The following KPNA5 variants were observed in gnomAD, a reference collection of about 807,000 sequenced individuals.
KPNA5 encodes the protein importin subunit alpha-6.
In KPNA5, 46 loss-of-function variants were observed where a neutral mutation model predicts 71.3. The ratio of observed to expected loss-of-function variants is 0.65; its 90% CI spans 0.51 to 0.83. The LOEUF is 0.83. Ranked by LOEUF, KPNA5 falls within the 40% of genes least tolerant of loss-of-function variation. The pLI is 0.00. For synonymous variants in KPNA5, 207 were observed against 201.4 expected, an observed-to-expected ratio of 1.03 and a Z score of -0.24; for missense variants, 547 against 628.3, an observed-to-expected ratio of 0.87 and a Z score of 1.38.
At position 116,738,291 on chromosome 6, in the gene KPNA5, A is replaced by T. The variant is rs1472984139; in HGVS notation, c.*5968A>T. The T allele has an allele frequency of 6.6e-6, 1 of 152,220 alleles. No homozygotes were observed. The highest frequency in any genetic ancestry group is 1.9e-4 in the East Asian group (1 of 5,204). 9.4% of individuals were successfully genotyped at this position (152,220 alleles called of 1,614,324 possible). On this transcript the variant is annotated 3_prime_UTR_variant, in exon 14 of 14. Transcript: ENST00000368564. ...TCCTCGACACATAAACCCTCCCAAG[A>T]CTAAACCAGGAAGAAGTTGAATCTC...
chr6:116,681,544 G>C, intron 1 of KPNA5: 17 of 1,346,082 alleles, frequency 1.3e-5, no homozygotes, highest in Middle Eastern at 2.6e-4. Context: ...TTGCGGACGC[G>C]AAGGCGTGGT....
rs1345994663 is a variant in KPNA5 at position 116,738,510 on chromosome 6, A to G, written c.*6187A>G. The G allele has an allele frequency of 6.6e-6, 1 of 152,232 alleles. No homozygotes were observed. The highest frequency in any genetic ancestry group is 2.4e-5 in the African/African-American group (1 of 41,446). 9.4% of individuals were successfully genotyped at this position (152,232 alleles called of 1,614,324 possible). A position where few individuals can be genotyped will look rare whatever the true frequency, so the allele number is the denominator to read the frequency against. On this transcript the variant is annotated 3_prime_UTR_variant, in exon 14 of 14. Coordinates refer to ENST00000368564, the MANE Select transcript of KPNA5 (RefSeq NM_001366306.2). The stretch of plus-strand genomic sequence containing the variant: ...CCCTAACTCATTTTCTGAGGCCAGC[A>G]TCATCCTGATACCAAAGCTGGGCAG...
intron 1 of KPNA5, among the ~76,000 whole-genome samples, chr6:116,687,507 T>C (rs748325022): frequency 6.6e-6 from 1 of 152,182 alleles, no homozygotes; most frequent in Non-Finnish European, 1.5e-5. Context: ...CATAGAAATG[T>C]ATACGAAAAG....
chr6:116,726,061 AGTGTGT>A (rs58131077), intron 11 of KPNA5, among the ~76,000 whole-genome samples, 185 bp downstream of exon 11: 1 of 150,558 alleles, frequency 6.6e-6, no homozygotes, highest in Non-Finnish European at 1.5e-5. Context: ...AAGAACATCA[AGTGTGT>A]GTGTGTGTGT....
Position 116,729,752 on chromosome 6 carries a change from A to G in KPNA5, c.1432+11A>G, listed in dbSNP as rs1188210030. ...TTGAAGAAGCATATGGTAAGCAATC[A>G]GTTAAAAATTTGCAATTATAGTCAG... On this transcript the variant is annotated intron_variant, in intron 13 of 13. Coordinates refer to ENST00000368564, the MANE Select transcript of KPNA5 (RefSeq NM_001366306.2). The G allele has an allele frequency of 5.5e-6, 8 of 1,467,354 alleles. No homozygotes were observed. The highest frequency in any genetic ancestry group is 7.3e-6 in the Non-Finnish European group (8 of 1,099,790). 90.9% of individuals were successfully genotyped at this position (1,467,354 alleles called of 1,614,324 possible).
intron 1 of KPNA5, among the ~76,000 whole-genome samples, chr6:116,683,883 C>T (rs529081934): frequency 6.8e-6 from 1 of 147,178 alleles, no homozygotes; most frequent in African/African-American, 2.5e-5. Flanking sequence ...AGGCGTGAGC[C>T]ACCGTGCCCG....
At chr6:116,725,512 A>G (rs1008950269) in intron 10 of KPNA5, among the ~76,000 whole-genome samples, 4 of 152,266 alleles carry the variant, frequency 2.6e-5, no homozygotes, top group African/African-American at 9.6e-5. Flanking sequence ...AATATGAAGG[A>G]TACACCTCTG....
At position 116,729,195 on chromosome 6, in the gene KPNA5, G is replaced by C. The variant is rs867863008; in HGVS notation, c.1254-368G>C. ...TGTGTGTGTGTGTGTGTGTGTGTGT[G>C]TGTGTCTGTGTGTAGGCTTGCCTTT... On this transcript the variant is annotated intron_variant, in intron 12 of 13. Transcript: ENST00000368564. 5.7e-5 allele frequency among the ~76,000 whole-genome samples: 8 copies of C among 139,912 alleles called. 1 individual carries two copies. Among genetic ancestry groups the C allele is most frequent in the African/African-American group, 1.7e-4 (6 of 34,860 alleles). The allele number at this position is 139,912 out of a possible 152,430, so 91.8% of individuals were successfully genotyped here.
intron 1 of KPNA5, among the ~76,000 whole-genome samples, chr6:116,687,475 A>G (rs1388184651): frequency 1.3e-5 from 2 of 152,190 alleles, no homozygotes; most frequent in Non-Finnish European, 2.9e-5. Flanking sequence ...TGATAGTTAC[A>G]TGCATGTATA....
intron 7 of KPNA5, among the ~76,000 whole-genome samples, chr6:116,712,124 T>C (rs1377870207): frequency 6.6e-6 from 1 of 152,154 alleles, no homozygotes; most frequent in African/African-American, 2.4e-5. Context: ...GTATCTTTAG[T>C]AGAGATGGGT....
At chr6:116,693,084 C>T (rs1481247435) in intron 4 of KPNA5, among the ~76,000 whole-genome samples, 1 of 152,186 alleles carries the variant, frequency 6.6e-6, no homozygotes, top group East Asian at 1.9e-4. Context: ...TTTATGGCTG[C>T]ATAGTGTTCC....
At chr6:116,710,328 C>A (rs1363073618) in intron 7 of KPNA5, among the ~76,000 whole-genome samples, 1 of 151,456 alleles carries the variant, frequency 6.6e-6, no homozygotes, top group Non-Finnish European at 1.5e-5. Context: ...GTTTTGATGT[C>A]TTTGTCTTTG....
chr6:116,729,438 C>A, intron 12 of KPNA5, 125 bp from the exon 13 acceptor site: 1 of 551,826 alleles, frequency 1.8e-6, no homozygotes, highest in Non-Finnish European at 2.8e-6. Context: ...TATAGGAATA[C>A]TTTTTCTTAA....
intron 6 of KPNA5, among the ~76,000 whole-genome samples, chr6:116,704,242 T>G (rs779226444): frequency 2.0e-5 from 3 of 152,188 alleles, no homozygotes; most frequent in Non-Finnish European, 4.4e-5. Flanking sequence ...TTTCACCATG[T>G]TGGCCAGGCT....
chr6:116,689,283 G>A (rs760187987), intron 1 of KPNA5, 37 bp from the exon 2 acceptor site: 3 of 1,590,098 alleles, frequency 1.9e-6, no homozygotes, highest in Non-Finnish European at 2.6e-6. Context: ...GAGAGAGTGA[G>A]TTATCAGTGT....
At chr6:116,725,684 C>G in intron 10 of KPNA5, 67 bp from the exon 11 acceptor site, 1 of 1,321,126 alleles carries the variant, frequency 7.6e-7, no homozygotes, top group Non-Finnish European at 1.0e-6. Context: ...CTAAATAATT[C>G]ATTAGTAGAT....
chr6:116,715,805 A>G (rs1162790272), intron 7 of KPNA5, among the ~76,000 whole-genome samples: 1 of 151,936 alleles, frequency 6.6e-6, no homozygotes, highest in Non-Finnish European at 1.5e-5. Context: ...AATCCCAGCT[A>G]CTTGGGAGGC....
rs1779597715 is a variant in KPNA5 at position 116,734,384 on chromosome 6, C to T, written c.*2061C>T. On this transcript the variant is annotated 3_prime_UTR_variant, in exon 14 of 14. Transcript: ENST00000368564. The stretch of plus-strand genomic sequence containing the variant: ...AATAATAAATATGTGTGTGTTGATG[C>T]ATGCACACAGAATGACCTGTGAAAG... 2.0e-5 allele frequency: 3 copies of T among 151,676 alleles called. No homozygotes were observed. The allele number at this position is 151,676 out of a possible 1,614,324, so 9.4% of individuals were successfully genotyped here.
At position 116,737,104 on chromosome 6, in the gene KPNA5, GTTC is replaced by G. The variant is rs1388829743; in HGVS notation, c.*4787_*4789del. 3 of 151,696 alleles carry G rather than the reference GTTC, an allele frequency of 2.0e-5. No individual in the cohort carries two copies. The highest frequency in any genetic ancestry group is 7.3e-5 in the African/African-American group (3 of 41,326). The allele number at this position is 151,696 out of a possible 1,614,324, so 9.4% of individuals were successfully genotyped here. On this transcript the variant is annotated 3_prime_UTR_variant, in exon 14 of 14. Transcript: ENST00000368564. ...TTTGGATATTGAATTTCCCATATTT[GTTC>G]TTCTTAACACAAGTTACTAGGGGAA... is the stretch of plus-strand genomic sequence containing the variant.
Sources: allele counts gnomAD v4.1 joint callset (sites outside exome capture counted in the v4.1 genomes callset), GRCh38; gene constraint gnomAD v4.1.1; transcripts MANE v1.5; gene names NCBI Gene and HGNC (gene_info 2026-07-23, HGNC 2026-07-21).